The following ULK1 variants were observed in gnomAD, a reference collection of about 807,000 sequenced individuals.
ULK1 encodes unc-51 like autophagy activating kinase 1, also known as serine/threonine-protein kinase ULK1.
In ULK1, 48 loss-of-function variants were observed where a neutral mutation model predicts 117.5. That is an observed-to-expected ratio of 0.41 (90% confidence interval 0.32 to 0.52). The LOEUF (loss-of-function observed/expected upper bound fraction) is 0.52. Among genes scored for constraint, ULK1 ranks in the 20% least tolerant of loss-of-function variants. The pLI, the probability that ULK1 is intolerant of heterozygous loss-of-function variation, is 0.29. For synonymous variants in ULK1, 790 were observed against 637.8 expected (o/e 1.24, Z -3.60); for missense variants, 1,387 against 1,473.4 (o/e 0.94, Z 0.96).
In ULK1 at chr12:131,910,311, TTC is replaced by T; in HGVS notation, c.859+9_859+10del. 6.2e-7 allele frequency: 1 copy of T among 1,613,714 alleles called. No homozygotes were observed. Among genetic ancestry groups the T allele is most frequent in the Non-Finnish European group, 8.5e-7 (1 of 1,179,966 alleles). ...AGCCCCTCGGTCAGGAAATGTGAGT[TTC>T]TGTGGGTCCTGGGGCTCCGCATGGG... is the stretch of plus-strand genomic sequence containing the variant. On this transcript the variant is annotated splice_region_variant and intron_variant, in intron 11 of 27. Coordinates refer to ENST00000321867, the MANE Select transcript of ULK1 (RefSeq NM_003565.4).
chr12:131,907,776 T>C (rs538820990), intron 5 of ULK1, among the ~76,000 whole-genome samples: 106 of 152,192 alleles, frequency 7.0e-4, no homozygotes, highest in African/African-American at 2.5e-3. Flanking sequence ...GTGACCAGAA[T>C]AGCCCGAGGG....
At chr12:131,909,577 AC>A (rs1246493076) in intron 8 of ULK1, among the ~76,000 whole-genome samples, 197 bp from the exon 9 acceptor site, 1 of 151,768 alleles carries the variant, frequency 6.6e-6, no homozygotes, top group African/African-American at 2.4e-5. Flanking sequence ...GGGGGTGGAC[AC>A]CCCGAGAGAC....
Position 131,908,736 on chromosome 12 carries a change from C to G in ULK1, c.409C>G (p.Arg137Gly). 6.2e-7 allele frequency: 1 copy of G among 1,608,788 alleles called. No homozygotes were observed. The highest frequency in any genetic ancestry group is 1.7e-5 in the Admixed American group (1 of 59,534). The part of the protein sequence containing the change: ...RLLHSKGIIH[R>G]DLKPQNILLS... ...TCTGCACAGCAAAGGCATCATCCAC[C>G]GCGACCTGAAACCGCAGAACATCCT... The change falls in exon 6 of 28, where the codon CGC becomes GGC. Residue 137 changes from arginine (R) to glycine (G), a missense_variant. Coordinates refer to ENST00000321867, the MANE Select transcript of ULK1 (RefSeq NM_003565.4).
In ULK1 at chr12:131,916,975, A is replaced by C; in HGVS notation, c.2095A>C (p.Thr699Pro). 1 of 1,610,438 alleles carries C rather than the reference A, an allele frequency of 6.2e-7. No individual in the cohort carries two copies. Among genetic ancestry groups the C allele is most frequent in the Non-Finnish European group, 8.5e-7 (1 of 1,179,074 alleles). ...CAGGTCTTTCAGCACCAGCCGCCTCACTGACCTGCTCCTTAAGGCGGCGTT... is the reference window on the plus strand; with the variant it reads ...CAGGTCTTTCAGCACCAGCCGCCTCCCTGACCTGCTCCTTAAGGCGGCGTT... ...FGRSFSTSRL[T>P]DLLLKAAFGT... Residue 699 changes from threonine (T) to proline (P), a missense_variant, in exon 21 of 28, where the codon ACT becomes CCT. Coordinates refer to ENST00000321867, the MANE Select transcript of ULK1 (RefSeq NM_003565.4).
intron 8 of ULK1, 78 bp from the exon 9 acceptor site, chr12:131,909,697 G>T (rs527533609): frequency 1.2e-5 from 17 of 1,409,014 alleles, no homozygotes; most frequent in Admixed American, 5.3e-5. Flanking sequence ...GGCCGACTGG[G>T]GACGAACGCA....
At chr12:131,907,296 C>T (rs1020267404) in intron 4 of ULK1, among the ~76,000 whole-genome samples, 199 bp from the exon 5 acceptor site, 3 of 152,232 alleles carry the variant, frequency 2.0e-5, no homozygotes, top group Non-Finnish European at 4.4e-5. Flanking sequence ...GCTCGGATTA[C>T]AGGCGTGAGC....
chr12:131,919,446 T>G (rs1320661093), intron 24 of ULK1, 26 bp from the exon 25 acceptor site: 20 of 1,600,586 alleles, frequency 1.2e-5, no homozygotes, highest in African/African-American at 2.7e-5. Context: ...CCAACCGGCC[T>G]CCTCTGATCT....
Position 131,921,369 on chromosome 12 carries a change from G to T in ULK1, c.*8G>T. On this transcript the variant is annotated 3_prime_UTR_variant, in exon 28 of 28. Coordinates refer to ENST00000321867, the MANE Select transcript of ULK1 (RefSeq NM_003565.4). ...ACTGGCATCTGTGCCTGACCTTTCTGGCCTGGCTGGGCCCCCCGTCCTGCC... is the reference window on the plus strand; with the variant it reads ...ACTGGCATCTGTGCCTGACCTTTCTTGCCTGGCTGGGCCCCCCGTCCTGCC... 6.2e-7 allele frequency: 1 copy of T among 1,602,280 alleles called. No homozygotes were observed.
chr12:131,921,323 C>T lies in ULK1; in HGVS notation c.3115C>T (p.Arg1039Trp), dbSNP rs766110883. 6 of 1,606,586 alleles carry T rather than the reference C, an allele frequency of 3.7e-6. No homozygotes were observed. The highest frequency in any genetic ancestry group is 3.4e-6 in the Non-Finnish European group (4 of 1,179,930). The change falls in exon 28 of 28, where the codon CGG becomes TGG. Residue 1039 changes from arginine (R) to tryptophan (W), a missense_variant. Transcript: ENST00000321867. ...NVTKCKLCIE[R>W]RLSALLTGIC... ...CTCCACAGGCAAGCTGTGCATTGAG[C>T]GGAGACTCTCGGCGCTGCTGACTGG...
chr12:131,897,608 G>A (rs1426900929), intron 3 of ULK1: 1 of 152,146 alleles, frequency 6.6e-6, no homozygotes, highest in Non-Finnish European at 1.5e-5. Context: ...GGAAGGTTCT[G>A]TGCTGGCTCA....
At chr12:131,913,469 AT>A (rs779125104) in intron 14 of ULK1, among the ~76,000 whole-genome samples, 9 of 151,594 alleles carry the variant, frequency 5.9e-5, no homozygotes, top group Non-Finnish European at 8.8e-5. Context: ...GCCGAGGCGG[AT>A]GGATCACAAG....
At chr12:131,909,527 G>A (rs1208231389) in intron 8 of ULK1, among the ~76,000 whole-genome samples, 3 of 152,176 alleles carry the variant, frequency 2.0e-5, no homozygotes, top group Non-Finnish European at 4.4e-5. Flanking sequence ...TGAGGGCAGC[G>A]CCGGGGCCGA....
chr12:131,918,573 G>A lies in ULK1; in HGVS notation c.2403G>A (p.Glu801=), dbSNP rs140859062. ...PGPCSEAPAP[E]LPAPGHGCSF... ...CCTGCAGCGAGGCCCCAGCCCCTGA[G>A]CTCCCTGCTCCAGGACACGGCTGCA... Residue 801 remains glutamate (E), a synonymous_variant, in exon 23 of 28, where the codon GAG becomes GAA. Transcript: ENST00000321867. 9.9e-6 allele frequency: 16 copies of A among 1,611,358 alleles called. No homozygotes were observed. In the African/African-American group the frequency reaches 2.0e-4, roughly 20 times the overall value.
chr12:131,910,149 C>A, intron 10 of ULK1, 105 bp from the exon 11 acceptor site: 1 of 1,572,202 alleles, frequency 6.4e-7, no homozygotes, highest in African/African-American at 1.3e-5. Flanking sequence ...TCCACCTCCG[C>A]CCGGGCAGGT....
At chr12:131,895,482 C>T in intron 1 of ULK1, 119 bp from the exon 2 acceptor site, 1 of 831,338 alleles carries the variant, frequency 1.2e-6, no homozygotes, top group Non-Finnish European at 1.9e-6. Context: ...CCCCACTCGG[C>T]CTTCCAGTCC....
rs563485214 is a variant in ULK1 at position 131,902,046 on chromosome 12, G to C, written c.247-4846G>C. 3.9e-5 allele frequency among the ~76,000 whole-genome samples: 6 copies of C among 152,244 alleles called. No homozygotes were observed. The South Asian group carries it at 1.0e-3, about 26-fold the overall frequency. ...ATTGTCCAGACCCCCAGGCCCAGCAGGCGGGAGGCTGCAGAGGTCAGCCTT... is the reference window on the plus strand; with the variant it reads ...ATTGTCCAGACCCCCAGGCCCAGCACGCGGGAGGCTGCAGAGGTCAGCCTT... On this transcript the variant is annotated intron_variant, in intron 3 of 27. Transcript: ENST00000321867. The surrounding 1 kb of genome is among the most constrained non-coding windows in gnomAD (Gnocchi z 6.3).
Position 131,918,337 on chromosome 12 carries a change from G to A in ULK1, c.2327-160G>A, listed in dbSNP as rs1889953595. 1.3e-5 allele frequency: 11 copies of A among 871,252 alleles called. No homozygotes were observed. In the Middle Eastern group the frequency reaches 9.5e-4, roughly 75 times the overall value. 54.0% of individuals were successfully genotyped at this position (871,252 alleles called of 1,614,324 possible). ...GGCAAGAGGTTGAGGAGTGGCTCTA[G>A]GGGCCTGCTGTGCTTCTCCTGTTGG... is the stretch of plus-strand genomic sequence containing the variant. On this transcript the variant is annotated intron_variant, in intron 22 of 27. Coordinates refer to ENST00000321867, the MANE Select transcript of ULK1 (RefSeq NM_003565.4).
intron 3 of ULK1, among the ~76,000 whole-genome samples, chr12:131,900,919 G>A (rs1426091716): frequency 2.6e-5 from 4 of 152,210 alleles, no homozygotes; most frequent in African/African-American, 7.2e-5. Flanking sequence ...AGTGTGAGTT[G>A]GGGCAGGATG....
At position 131,916,605 on chromosome 12, in the gene ULK1, A is replaced by G. The variant is rs1010672716; in HGVS notation, c.2072+14A>G. 2.6e-6 allele frequency: 4 copies of G among 1,558,944 alleles called. No homozygotes were observed. The highest frequency in any genetic ancestry group is 2.6e-6 in the Non-Finnish European group (3 of 1,159,342). ...CCCCTTTGGCCGGTGAGTTGAGGGG[A>G]CAGGCCTTGGACGGGCTTCTGAGGG... On this transcript the variant is annotated intron_variant, in intron 20 of 27. Coordinates refer to ENST00000321867, the MANE Select transcript of ULK1 (RefSeq NM_003565.4).
Sources: gnomAD v4.1 joint callset for allele counts (sites outside exome capture counted in the v4.1 genomes callset) on GRCh38, gnomAD v4.1.1 for gene constraint, Gnocchi (gnomAD v3.1) non-coding constraint, MANE v1.5 for transcripts, NCBI Gene and HGNC (gene_info 2026-07-23, HGNC 2026-07-21) for gene names.